SPOCD1: variants seen among roughly 807,000 people sequenced by gnomAD.
The protein encoded by SPOCD1 is SPOC domain containing 1.
In SPOCD1, 64 loss-of-function variants were observed where a neutral mutation model predicts 92.2. That is an observed-to-expected ratio of 0.69 (90% CI 0.57 to 0.86). SPOCD1 has a LOEUF of 0.86. Among genes scored for constraint, SPOCD1 ranks in the 40% least tolerant of loss-of-function variants. SPOCD1 has a pLI of 0.00. For missense variants in SPOCD1, 1,360 were observed against 1,543.1 expected (o/e 0.88, Z 1.99); for synonymous variants, 578 against 619.3 (o/e 0.93, Z 0.99).
At position 31,798,114 on chromosome 1, in the gene SPOCD1, C is replaced by T. The variant is rs1353548246; in HGVS notation, c.2145+93G>A. ...CTGTCTTTCTGAATTCCTCCTCCCTCCCTCCCTGTCTCTGTCTCTCCCTCT... is the reference window on the plus strand; with the variant it reads ...CTGTCTTTCTGAATTCCTCCTCCCTTCCTCCCTGTCTCTGTCTCTCCCTCT... On this transcript the variant is annotated intron_variant, in intron 9 of 15. Coordinates refer to ENST00000360482, the MANE Select transcript of SPOCD1 (RefSeq NM_144569.7). This position sits in a 1 kb window ranked among gnomAD's most constrained non-coding sequence, Gnocchi z 4.1. 7 of 935,002 alleles carry T rather than the reference C, an allele frequency of 7.5e-6. No homozygotes were observed. In the African/African-American group the frequency reaches 9.7e-5, roughly 13 times the overall value. 57.9% of individuals were successfully genotyped at this position (935,002 alleles called of 1,614,324 possible).
At position 31,798,966 on chromosome 1, in the gene SPOCD1, CA is replaced by C. The variant is rs1009725288; in HGVS notation, c.1869-366del. 6 of 535,642 alleles carry C rather than the reference CA, an allele frequency of 1.1e-5. No individual in the cohort carries two copies. Among genetic ancestry groups the C allele is most frequent in the East Asian group, 9.1e-5 (3 of 32,842 alleles). 33.2% of individuals were successfully genotyped at this position (535,642 alleles called of 1,614,324 possible). A position where few individuals can be genotyped will look rare whatever the true frequency, so the allele number is the denominator to read the frequency against. On this transcript the variant is annotated intron_variant, in intron 7 of 15. Transcript: ENST00000360482. This position sits in a 1 kb window ranked among gnomAD's most constrained non-coding sequence, Gnocchi z 4.1. ...GGTCAGGTCAGAGTAAGGCAGGAGT[CA>C]GGGGGAGAGAATGGAGCCCTGGCCC...
chr1:31,799,629 A>C (rs989772946), intron 6 of SPOCD1, 144 bp from the exon 7 acceptor site: 1 of 1,090,106 alleles, frequency 9.2e-7, no homozygotes, highest in Non-Finnish European at 1.3e-6. Context: ...TCTGGGAGCC[A>C]AGCCCAGGCA....
In SPOCD1 at chr1:31,800,429, C is replaced by T. The variant is rs1380039362; in HGVS notation, c.1602+12G>A. 15 of 1,556,232 alleles carry T rather than the reference C, an allele frequency of 9.6e-6. No individual in the cohort carries two copies. The highest frequency in any genetic ancestry group is 1.3e-5 in the Non-Finnish European group (15 of 1,147,416). On this transcript the variant is annotated intron_variant, in intron 4 of 15. Coordinates refer to ENST00000360482, the MANE Select transcript of SPOCD1 (RefSeq NM_144569.7). ...CTCTCAGCAGGATTAAATGACATCA[C>T]TTGTTCTGTACCTGGCACCCAGCAG...
chr1:31,812,792 G>A (rs1385365993), intron 2 of SPOCD1, among the ~76,000 whole-genome samples: 1 of 152,238 alleles, frequency 6.6e-6, no homozygotes, highest in East Asian at 1.9e-4. Flanking sequence ...GCAGTGCAGT[G>A]AGCTCTCAAG....
At chr1:31,791,416 G>A in intron 15 of SPOCD1, 125 bp from the exon 16 acceptor site, 1 of 739,030 alleles carries the variant, frequency 1.4e-6, no homozygotes, top group Non-Finnish European at 2.0e-6. Flanking sequence ...AGGTGGGGCT[G>A]TCTCGGAAGA....
At chr1:31,808,236 A>G (rs544751862) in intron 2 of SPOCD1, among the ~76,000 whole-genome samples, 12 of 152,298 alleles carry the variant, frequency 7.9e-5, no homozygotes, top group African/African-American at 2.9e-4. Flanking sequence ...AACCCGAAAC[A>G]AAACATGAAA....
At chr1:31,801,598 C>A (rs1463914413) in intron 3 of SPOCD1, 66 bp downstream of exon 3, 39 of 1,450,410 alleles carry the variant, frequency 2.7e-5, no homozygotes, top group Middle Eastern at 3.5e-4. Flanking sequence ...TGTGGAGGAG[C>A]CCTCCCACTC....
intron 2 of SPOCD1, among the ~76,000 whole-genome samples, chr1:31,811,459 A>T (rs1274655088): frequency 4.0e-5 from 6 of 151,390 alleles, no homozygotes; most frequent in East Asian, 1.9e-4. Flanking sequence ...CTCCCATCTT[A>T]AAAAAAAAGT....
At chr1:31,802,722 A>C (rs1648547489) in intron 2 of SPOCD1, among the ~76,000 whole-genome samples, 1 of 152,190 alleles carries the variant, frequency 6.6e-6, no homozygotes, top group Non-Finnish European at 1.5e-5. Context: ...ACGAGCGTGT[A>C]TTTCTTTTAC....
Position 31,814,144 on chromosome 1 carries a change from A to T in SPOCD1, c.1190T>A (p.Leu397His). The T allele has an allele frequency of 6.3e-7, 1 of 1,589,354 alleles. No individual in the cohort carries two copies. The highest frequency in any genetic ancestry group is 8.6e-7 in the Non-Finnish European group (1 of 1,163,746). ...CASSREPLGG[L>H]SSSLDTEASR... is the part of the protein sequence containing the mutation. ...GGCTTCAGTATCCAGGGAGGAGCTG[A>T]GGCCGCCCAAGGGCTCCCGGGAGCT... Residue 397 changes from leucine to histidine, a missense_variant, in exon 2 of 16, where the codon CTC (leucine) becomes CAC (histidine). This residue lies in a region of SPOCD1 where 606 missense variants were observed against 601.5 expected (regional missense o/e 1.01). Transcript: ENST00000360482. The surrounding 1 kb of genome is among the most constrained non-coding windows in gnomAD (Gnocchi z 4.2).
intron 14 of SPOCD1, 83 bp downstream of exon 14, chr1:31,792,595 G>T: frequency 7.8e-7 from 1 of 1,275,126 alleles, no homozygotes; most frequent in Non-Finnish European, 1.1e-6. Flanking sequence ...AGATATCCAA[G>T]CCAGGCCTCT....
intron 13 of SPOCD1, 56 bp downstream of exon 13, chr1:31,793,222 G>A (rs1647733903): frequency 7.3e-6 from 11 of 1,508,012 alleles, no homozygotes; most frequent in African/African-American, 1.4e-5. Flanking sequence ...GAGAGAGAGA[G>A]GCTGCCTGGG....
At chr1:31,796,400 G>T in intron 10 of SPOCD1, 190 bp downstream of exon 10, 1 of 862,432 alleles carries the variant, frequency 1.2e-6, no homozygotes, top group Non-Finnish European at 1.8e-6. Flanking sequence ...GCGCTGGCAG[G>T]CCTGTGCCAG....
At chr1:31,796,434 C>T in intron 10 of SPOCD1, 156 bp downstream of exon 10, 2 of 1,152,366 alleles carry the variant, frequency 1.7e-6, no homozygotes, top group South Asian at 2.6e-5. Context: ...CCCCATGTTC[C>T]CCTATGCGTT....
At chr1:31,801,832 C>T (rs1648487970) in intron 2 of SPOCD1, 127 bp from the exon 3 acceptor site, 1 of 809,198 alleles carries the variant, frequency 1.2e-6, no homozygotes, top group Admixed American at 2.1e-5. Flanking sequence ...GTTGTACTTA[C>T]AGCAAAAAGT....
chr1:31,802,639 T>C (rs1004930808), intron 2 of SPOCD1, among the ~76,000 whole-genome samples: 1 of 152,236 alleles, frequency 6.6e-6, no homozygotes, highest in Non-Finnish European at 1.5e-5. Flanking sequence ...ATAGAGGTTA[T>C]CTCTGGGGAA....
chr1:31,792,974 C>G (rs1158687711), intron 13 of SPOCD1, among the ~76,000 whole-genome samples: 2 of 152,182 alleles, frequency 1.3e-5, no homozygotes, highest in African/African-American at 2.4e-5. Flanking sequence ...CAAAGCCCCT[C>G]CCTCCCTCCT....
chr1:31,792,178 GCAGA>G, intron 15 of SPOCD1, 33 bp downstream of exon 15: 1 of 1,564,594 alleles, frequency 6.4e-7, no homozygotes. Flanking sequence ...CACCAAGTGA[GCAGA>G]GGCAGGGTCT....
chr1:31,809,006 T>C (rs1266904173), intron 2 of SPOCD1, among the ~76,000 whole-genome samples: 2 of 152,066 alleles, frequency 1.3e-5, no homozygotes, highest in Non-Finnish European at 2.9e-5. Context: ...CTGACCAATA[T>C]GGTGAAACTC....
Sources: allele counts gnomAD v4.1 joint callset (sites outside exome capture counted in the v4.1 genomes callset), GRCh38; gene constraint gnomAD v4.1.1; regional missense constraint gnomAD v4.1.1; non-coding constraint Gnocchi (gnomAD v3.1); transcripts MANE v1.5; gene names NCBI Gene and HGNC (gene_info 2026-07-23, HGNC 2026-07-21).